The following CNTNAP2 variants were observed in gnomAD, a reference collection of about 807,000 sequenced individuals.
CNTNAP2 encodes contactin-associated protein-like 2.
A neutral mutation model predicts 155.2 loss-of-function variants in CNTNAP2; 98 were observed. That is an observed-to-expected ratio of 0.63 (90% CI 0.54 to 0.75). The LOEUF is 0.75. Ranked by LOEUF, CNTNAP2 falls within the 30% of genes least tolerant of loss-of-function variation. CNTNAP2 has a pLI of 0.00. For missense variants in CNTNAP2, 1,727 were observed against 1,688.1 expected, an observed-to-expected ratio of 1.02 and a Z score of -0.40; for synonymous variants, 651 against 631.2, an observed-to-expected ratio of 1.03 and a Z score of -0.47.
chr7:146,930,746 C>T (rs1433698459), intron 3 of CNTNAP2, among the ~76,000 whole-genome samples: 1 of 151,960 alleles, frequency 6.6e-6, no homozygotes, highest in Non-Finnish European at 1.5e-5. Flanking sequence ...GGAAGATCTA[C>T]CAAGCAAATG....
Position 147,121,084 on chromosome 7 carries a change from G to T in CNTNAP2, c.860G>T (p.Ser287Ile), listed in dbSNP as rs140716136. 18 of 1,614,146 alleles carry T rather than the reference G, an allele frequency of 1.1e-5. No homozygotes were observed. The highest frequency in any genetic ancestry group is 4.4e-5 in the South Asian group (4 of 91,086). Residue 287 changes from serine (S) to isoleucine (I), a missense_variant, in exon 6 of 24, where the codon AGC becomes ATC. Physicochemically the swap from Ser to Ile is moderately radical, Grantham distance 142. Coordinates refer to ENST00000361727, the MANE Select transcript of CNTNAP2 (RefSeq NM_014141.6). Reference protein sequence around the residue: ...HSVVIERQGRSINLTLDRSMQ... With the variant: ...HSVVIERQGRIINLTLDRSMQ... ...GTGGTCATTGAGCGCCAGGGGCGGA[G>T]CATTAACCTCACTCTGGACAGGAGC... is the stretch of plus-strand genomic sequence containing the variant.
chr7:147,408,151 G>C (rs1451808886), intron 10 of CNTNAP2, among the ~76,000 whole-genome samples: 3 of 145,866 alleles, frequency 2.1e-5, no homozygotes, highest in Admixed American at 6.8e-5. Flanking sequence ...ATTTATGAAA[G>C]AGTTAGACAT....
At chr7:147,650,179 T>C (rs936860653) in intron 13 of CNTNAP2, among the ~76,000 whole-genome samples, 1 of 152,204 alleles carries the variant, frequency 6.6e-6, no homozygotes, top group Non-Finnish European at 1.5e-5. Flanking sequence ...TCGTAAATTA[T>C]TTTTGAAAAT....
At chr7:147,551,749 ACT>A (rs1163815694) in intron 11 of CNTNAP2, among the ~76,000 whole-genome samples, 2 of 151,960 alleles carry the variant, frequency 1.3e-5, no homozygotes, top group Non-Finnish European at 2.9e-5. Flanking sequence ...TTGAAAAAAG[ACT>A]CTCAACTTGT....
In CNTNAP2 at chr7:147,145,346, G is replaced by A. The variant is rs185537033; in HGVS notation, c.1348+12837G>A. Reference sequence around the variant, plus strand: ...TTGGTTGTCACAGCTGGAGAGTGGGGGGTAGGATGCTACTGGCACACAATG... The same window carrying A: ...TTGGTTGTCACAGCTGGAGAGTGGGAGGTAGGATGCTACTGGCACACAATG... On this transcript the variant is annotated intron_variant, in intron 8 of 23. Transcript: ENST00000361727. Among the ~76,000 whole-genome samples, 342 of 152,208 alleles carry A rather than the reference G, an allele frequency of 2.2e-3. 5 individuals are homozygous for A. The highest frequency in any genetic ancestry group is 7.3e-3 in the African/African-American group (302 of 41,532).
At chr7:147,988,839 C>T (rs900979679) in intron 15 of CNTNAP2, among the ~76,000 whole-genome samples, 4 of 152,198 alleles carry the variant, frequency 2.6e-5, no homozygotes, top group Admixed American at 2.6e-4. Context: ...ATCTAAACAT[C>T]CACAGTGTGG....
intron 8 of CNTNAP2, among the ~76,000 whole-genome samples, chr7:147,295,253 A>G (rs1563149848): frequency 6.6e-6 from 1 of 151,318 alleles, no homozygotes; most frequent in Non-Finnish European, 1.5e-5. Flanking sequence ...GTGTGTACCC[A>G]TGTGTGTGTG....
At chr7:147,733,600 TACCTTGGGC>T (rs1295398774) in intron 13 of CNTNAP2, among the ~76,000 whole-genome samples, 5 of 152,194 alleles carry the variant, frequency 3.3e-5, no homozygotes, top group African/African-American at 1.2e-4. Context: ...ATCTATAAAT[TACCTTGGGC>T]AATATGGCCA....
chr7:146,319,786 G>A (rs1800969026), intron 1 of CNTNAP2, among the ~76,000 whole-genome samples: 1 of 152,124 alleles, frequency 6.6e-6, no homozygotes, highest in African/African-American at 2.4e-5. Context: ...TCTAATGTAG[G>A]TGGACAGCAA....
At chr7:148,309,484 TG>T (rs1200552719) in intron 21 of CNTNAP2, among the ~76,000 whole-genome samples, 1 of 152,152 alleles carries the variant, frequency 6.6e-6, no homozygotes, top group East Asian at 1.9e-4. Context: ...TTATTTCACC[TG>T]GGTGCAGGCG....
chr7:148,381,150 C>A (rs560577727), intron 21 of CNTNAP2, among the ~76,000 whole-genome samples: 2 of 152,202 alleles, frequency 1.3e-5, no homozygotes, highest in African/African-American at 4.8e-5. Context: ...AGGGGTGGTG[C>A]CTGCAACCCC....
chr7:147,067,635 A>T (rs1799807414), intron 4 of CNTNAP2, among the ~76,000 whole-genome samples: 1 of 152,232 alleles, frequency 6.6e-6, no homozygotes, highest in Admixed American at 6.5e-5. Flanking sequence ...CCTAGAATAC[A>T]AATCTTGAAT....
chr7:147,597,742 A>T (rs926422520), intron 12 of CNTNAP2, among the ~76,000 whole-genome samples: 1 of 152,200 alleles, frequency 6.6e-6, no homozygotes, highest in African/African-American at 2.4e-5. Context: ...CTTAAAAAGC[A>T]CTTGGGGCTG....
At chr7:147,758,639 T>C (rs1797252711) in intron 13 of CNTNAP2, among the ~76,000 whole-genome samples, 1 of 151,974 alleles carries the variant, frequency 6.6e-6, no homozygotes, top group South Asian at 2.1e-4. Context: ...AGCTCAGGAG[T>C]TCTAGACCAG....
At chr7:147,620,034 G>C (rs941283104) in intron 12 of CNTNAP2, among the ~76,000 whole-genome samples, 3 of 152,214 alleles carry the variant, frequency 2.0e-5, no homozygotes, top group Admixed American at 2.0e-4. Context: ...AAGAGTTTTC[G>C]TCCAGTAATC....
chr7:146,988,131 T>A (rs558997938), intron 3 of CNTNAP2, among the ~76,000 whole-genome samples: 2 of 152,250 alleles, frequency 1.3e-5, no homozygotes, highest in East Asian at 3.9e-4. Flanking sequence ...CTTTAGAGTT[T>A]ACTTTCTAAT....
chr7:148,213,178 A>G (rs1157731228), intron 18 of CNTNAP2, among the ~76,000 whole-genome samples: 1 of 152,240 alleles, frequency 6.6e-6, no homozygotes, highest in African/African-American at 2.4e-5. Flanking sequence ...GCGCATAAGT[A>G]TCACCTGGGG....
Position 147,128,603 on chromosome 7 carries a change from A to G in CNTNAP2, c.940-90A>G, listed in dbSNP as rs1363170567. 3 of 1,441,152 alleles carry G rather than the reference A, an allele frequency of 2.1e-6. No homozygotes were observed. The African/African-American group carries it at 4.2e-5, about 20-fold the overall frequency. The allele number at this position is 1,441,152 out of a possible 1,614,324, so 89.3% of individuals were successfully genotyped here. On this transcript the variant is annotated intron_variant, in intron 6 of 23. Coordinates refer to ENST00000361727, the MANE Select transcript of CNTNAP2 (RefSeq NM_014141.6). ...AATATTTGTATATTTTGGTTGAGGT[A>G]TAGATACTTGACCTTCACTGTATTC...
In CNTNAP2 at chr7:147,617,743, AC is replaced by A. The variant is rs1180095981; in HGVS notation, c.1898-21362del. 3.9e-5 allele frequency among the ~76,000 whole-genome samples: 6 copies of A among 152,306 alleles called. No individual in the cohort carries two copies. In the East Asian group the frequency reaches 1.2e-3, roughly 29 times the overall value. On this transcript the variant is annotated intron_variant, in intron 12 of 23. Transcript: ENST00000361727. ...CTCTTAGTATTGTTTGGTGTAACCC[AC>A]TTTTTTCTCCTAAGACTTGATTTCT...
Sources: allele counts gnomAD v4.1 joint callset (sites outside exome capture counted in the v4.1 genomes callset), GRCh38; gene constraint gnomAD v4.1.1; transcripts MANE v1.5; gene names NCBI Gene and HGNC (gene_info 2026-07-23, HGNC 2026-07-21).